WDR41: variants seen among roughly 807,000 people sequenced by gnomAD.
The protein encoded by WDR41 is WD repeat-containing protein 41.
A neutral mutation model predicts 69.3 loss-of-function variants in WDR41; 63 were observed. The ratio of observed to expected loss-of-function variants is 0.91; its 90% CI spans 0.74 to 1.12. The LOEUF is 1.12. Among genes scored for constraint, WDR41 ranks in the 50% most tolerant of loss-of-function variants. WDR41 has a pLI of 0.00. For synonymous variants in WDR41, 185 were observed against 192.1 expected (o/e 0.96, Z 0.31); for missense variants, 543 against 534.5 (o/e 1.02, Z -0.16).
At chr5:77,475,254 T>A (rs1041576432) in intron 2 of WDR41, among the ~76,000 whole-genome samples, 3 of 152,162 alleles carry the variant, frequency 2.0e-5, no homozygotes, top group East Asian at 3.9e-4. Context: ...GCGCCCGCCA[T>A]TGCCCAGACT....
At chr5:77,580,740 G>A (rs1743923894) in intron 1 of WDR41, among the ~76,000 whole-genome samples, 1 of 152,070 alleles carries the variant, frequency 6.6e-6, no homozygotes, top group African/African-American at 2.4e-5. Context: ...CAGATCACGA[G>A]GTCAGGAGAT....
intron 1 of WDR41, among the ~76,000 whole-genome samples, chr5:77,585,695 C>T (rs529558281): frequency 1.3e-5 from 2 of 152,218 alleles, no homozygotes; most frequent in South Asian, 4.1e-4. Flanking sequence ...AGATTGGAGA[C>T]TATTATTCTA....
At chr5:77,535,883 CTT>C in intron 1 of WDR41, among the ~76,000 whole-genome samples, 1 of 152,320 alleles carries the variant, frequency 6.6e-6, no homozygotes, top group East Asian at 1.9e-4. Context: ...GTAAGACAAT[CTT>C]AGCTCTACTG....
At chr5:77,525,439 A>AGGTACAT (rs1176343226) in intron 1 of WDR41, among the ~76,000 whole-genome samples, 1 of 152,196 alleles carries the variant, frequency 6.6e-6, no homozygotes, top group East Asian at 1.9e-4. Context: ...GTCTGTGTGA[A>AGGTACAT]GGTACATGCA....
At chr5:77,478,054 C>A (rs1006371849) in intron 2 of WDR41, among the ~76,000 whole-genome samples, 3 of 152,156 alleles carry the variant, frequency 2.0e-5, no homozygotes, top group Non-Finnish European at 4.4e-5. Flanking sequence ...CACCTCTACG[C>A]AAATAAACTA....
chr5:77,500,166 T>A (rs1801996295), intron 1 of WDR41, among the ~76,000 whole-genome samples: 1 of 152,190 alleles, frequency 6.6e-6, no homozygotes, highest in South Asian at 2.1e-4. Context: ...TAAAACATAT[T>A]ATAAAAATGC....
chr5:77,500,177 T>A (rs1167991548), intron 1 of WDR41, among the ~76,000 whole-genome samples: 1 of 152,210 alleles, frequency 6.6e-6, no homozygotes, highest in Middle Eastern at 3.2e-3. Flanking sequence ...ATAAAAATGC[T>A]GGCATGGCAA....
In WDR41 at chr5:77,433,028, GAC is replaced by G. The variant is rs1222376461; in HGVS notation, c.*105_*106del. On this transcript the variant is annotated 3_prime_UTR_variant, in exon 13 of 13. Transcript: ENST00000296679. ...TTAAACATGTAGAATTTTATGGACT[GAC>G]AAAAAAAATTACCAATTTAAGTGAT... 1 of 1,305,026 alleles carries G rather than the reference GAC, an allele frequency of 7.7e-7. No homozygotes were observed. Among genetic ancestry groups the G allele is most frequent in the African/African-American group, 1.5e-5 (1 of 66,168 alleles). The allele number at this position is 1,305,026 out of a possible 1,614,324, so 80.8% of individuals were successfully genotyped here. A position where few individuals can be genotyped will look rare whatever the true frequency, so the allele number is the denominator to read the frequency against.
intron 1 of WDR41, among the ~76,000 whole-genome samples, chr5:77,584,097 T>C (rs1464113365): frequency 2.0e-5 from 3 of 152,104 alleles, no homozygotes; most frequent in African/African-American, 7.2e-5. Flanking sequence ...CCTCAACTTA[T>C]TAAAAGACAT....
chr5:77,473,385 C>T lies in WDR41; in HGVS notation c.168-8576G>A, dbSNP rs1800726499. Among the ~76,000 whole-genome samples the T allele has an allele frequency of 2.0e-5, 3 of 152,152 alleles. No homozygotes were observed. The South Asian group carries it at 6.2e-4, about 32-fold the overall frequency. On this transcript the variant is annotated intron_variant, in intron 2 of 12. Coordinates refer to ENST00000296679, the MANE Select transcript of WDR41 (RefSeq NM_018268.4). The stretch of plus-strand genomic sequence containing the variant: ...ATACCATTCAGGACATAGGCATGAG[C>T]AAGGACTTCATGTCTAAAACACCAA...
chr5:77,611,526 G>A (rs1561239690), intron 1 of WDR41, among the ~76,000 whole-genome samples: 2 of 152,168 alleles, frequency 1.3e-5, no homozygotes, highest in Non-Finnish European at 2.9e-5. Flanking sequence ...TCAACTACAT[G>A]GAAACTGAAC....
intron 1 of WDR41, among the ~76,000 whole-genome samples, chr5:77,558,116 A>C (rs13436084): frequency 1.4e-5 from 2 of 144,810 alleles, no homozygotes; most frequent in African/African-American, 2.6e-5. Context: ...AAAAAAAAAA[A>C]CAAAACAGGA....
intron 1 of WDR41, among the ~76,000 whole-genome samples, chr5:77,510,923 C>T (rs999693401): frequency 6.6e-6 from 1 of 151,742 alleles, no homozygotes; most frequent in African/African-American, 2.4e-5. Context: ...AGGCACATAC[C>T]ACCACACTCA....
Position 77,449,806 on chromosome 5 carries a change from G to C in WDR41, c.651C>G (p.Arg217=). The part of the protein sequence containing the change: ...SLEWDILEVK[R]LLDHQDNILS... ...GAATATTATCCTGGTGATCAAGGAGGCGCTTAACTTCAAGAATATCCCATT... is the reference window on the plus strand; with the variant it reads ...GAATATTATCCTGGTGATCAAGGAGCCGCTTAACTTCAAGAATATCCCATT... Residue 217 remains arginine, a synonymous_variant, in exon 8 of 13, where the codon CGC becomes CGG. Coordinates refer to ENST00000296679, the MANE Select transcript of WDR41 (RefSeq NM_018268.4). 6.2e-7 allele frequency: 1 copy of C among 1,613,684 alleles called. No individual in the cohort carries two copies. Among genetic ancestry groups the C allele is most frequent in the East Asian group, 2.2e-5 (1 of 44,844 alleles).
intron 1 of WDR41, among the ~76,000 whole-genome samples, chr5:77,523,398 A>G (rs1162256538): frequency 6.6e-6 from 1 of 152,148 alleles, no homozygotes; most frequent in Non-Finnish European, 1.5e-5. Context: ...GGTAAATTCT[A>G]CTTTACAACT....
intron 2 of WDR41, among the ~76,000 whole-genome samples, chr5:77,478,279 T>C (rs1801052182): frequency 6.6e-6 from 1 of 152,186 alleles, no homozygotes; most frequent in South Asian, 2.1e-4. Context: ...CTTCTGAAAC[T>C]ATTCCAATCA....
intron 1 of WDR41, among the ~76,000 whole-genome samples, chr5:77,574,472 T>A (rs1743791568): frequency 6.6e-6 from 1 of 152,182 alleles, no homozygotes; most frequent in Non-Finnish European, 1.5e-5. Context: ...GTGTTCTGTG[T>A]GAGTGACGTA....
chr5:77,470,890 A>G (rs1222178732), intron 2 of WDR41, among the ~76,000 whole-genome samples: 1 of 152,168 alleles, frequency 6.6e-6, no homozygotes, highest in Non-Finnish European at 1.5e-5. Flanking sequence ...TAACAAGGAT[A>G]TCCAGGAATT....
chr5:77,592,704 A>G (rs1744154878), intron 1 of WDR41, among the ~76,000 whole-genome samples: 1 of 152,208 alleles, frequency 6.6e-6, no homozygotes, highest in Non-Finnish European at 1.5e-5. Flanking sequence ...GAATAACACC[A>G]CTTAATTCTC....
Sources: allele counts gnomAD v4.1 joint callset (sites outside exome capture counted in the v4.1 genomes callset), GRCh38; gene constraint gnomAD v4.1.1; transcripts MANE v1.5; gene names NCBI Gene and HGNC (gene_info 2026-07-23, HGNC 2026-07-21).